FAM117B: variants seen among roughly 807,000 people sequenced by gnomAD.
FAM117B encodes family with sequence similarity 117 member B.
FAM117B carries 22 observed loss-of-function variants against 52.8 expected under a neutral mutation model. The ratio of observed to expected loss-of-function variants is 0.42; its 90% CI spans 0.30 to 0.59. The LOEUF is 0.59. Among genes scored for constraint, FAM117B ranks in the 20% least tolerant of loss-of-function variants. FAM117B has a pLI of 0.22. For synonymous variants in FAM117B, 309 were observed against 324.1 expected (o/e 0.95, Z 0.50); for missense variants, 678 against 802.6 (o/e 0.84, Z 1.88).
At chr2:202,723,447 A>G (rs924574738) in intron 2 of FAM117B, among the ~76,000 whole-genome samples, 9 of 152,058 alleles carry the variant, frequency 5.9e-5, no homozygotes, top group Admixed American at 2.6e-4. Context: ...GTTACCATCT[A>G]TTTTCTTCCA....
intron 2 of FAM117B, among the ~76,000 whole-genome samples, chr2:202,710,154 A>G (rs540904921): frequency 6.6e-6 from 1 of 152,318 alleles, no homozygotes; most frequent in East Asian, 1.9e-4. Context: ...ACCTATTTCC[A>G]TAAAAATGCC....
At chr2:202,727,541 A>G (rs987474003) in intron 4 of FAM117B, among the ~76,000 whole-genome samples, 21 of 152,090 alleles carry the variant, frequency 1.4e-4, no homozygotes, top group Admixed American at 1.4e-3. Flanking sequence ...AATTAAAAGT[A>G]CAAATAAAAA....
chr2:202,639,703 G>C (rs1325360041), intron 1 of FAM117B, among the ~76,000 whole-genome samples: 1 of 152,162 alleles, frequency 6.6e-6, no homozygotes, highest in Non-Finnish European at 1.5e-5. Context: ...GAAATGGGTG[G>C]TGAAATCTAC....
chr2:202,765,055 A>G lies in FAM117B; in HGVS notation c.1452-391A>G, dbSNP rs1164582392. On this transcript the variant is annotated intron_variant, in intron 7 of 7. Coordinates refer to ENST00000392238, the MANE Select transcript of FAM117B (RefSeq NM_173511.4). The stretch of plus-strand genomic sequence containing the variant: ...AAAAATCATGGCAGTGGAATATACC[A>G]TACATAAAGGCATACATGTCTTTAA... Among the ~76,000 whole-genome samples the G allele has an allele frequency of 3.9e-5, 6 of 152,194 alleles. No homozygotes were observed. In the East Asian group the frequency reaches 1.2e-3, roughly 29 times the overall value.
intron 1 of FAM117B, 111 bp downstream of exon 1, chr2:202,635,899 G>A: frequency 8.4e-7 from 1 of 1,194,636 alleles, no homozygotes; most frequent in Non-Finnish European, 1.0e-6. Flanking sequence ...CGGGTGGCTG[G>A]GGGCGGGGCT....
intron 7 of FAM117B, 67 bp from the exon 8 acceptor site, chr2:202,765,379 C>CTTTTTTTTTTTTTTTTTTTTTTTTTTTT: frequency 8.8e-7 from 1 of 1,130,566 alleles, no homozygotes; most frequent in Non-Finnish European, 1.2e-6. Context: ...TGTTTCCAAG[C>CTTTTTTTTTTTTTTTTTTTTTTTTTTTT]TTTTTTTTTT....
intron 1 of FAM117B, among the ~76,000 whole-genome samples, chr2:202,657,322 A>G (rs1690069268): frequency 6.6e-6 from 1 of 152,164 alleles, no homozygotes; most frequent in Non-Finnish European, 1.5e-5. Context: ...TCCTGACCTC[A>G]GGTGATCTGC....
chr2:202,677,031 C>T (rs1690387840), intron 1 of FAM117B, among the ~76,000 whole-genome samples: 1 of 151,372 alleles, frequency 6.6e-6, no homozygotes, highest in Non-Finnish European at 1.5e-5. Context: ...GGCTGATGAA[C>T]TGAGTGTTAC....
At position 202,767,595 on chromosome 2, in the gene FAM117B, T is replaced by C. The variant is rs191099547; in HGVS notation, c.*1831T>C. The stretch of plus-strand genomic sequence containing the variant: ...CATATTATAAGGTAGAAAAAAGTTT[T>C]TAAATCCTTATAAAGAGGATGCAGT... On this transcript the variant is annotated 3_prime_UTR_variant, in exon 8 of 8. Coordinates refer to ENST00000392238, the MANE Select transcript of FAM117B (RefSeq NM_173511.4). The C allele has an allele frequency of 6.6e-6, 1 of 152,334 alleles. No individual in the cohort carries two copies. Among genetic ancestry groups the C allele is most frequent in the African/African-American group, 2.4e-5 (1 of 41,572 alleles). 9.4% of individuals were successfully genotyped at this position (152,334 alleles called of 1,614,324 possible).
intron 7 of FAM117B, 138 bp from the exon 8 acceptor site, chr2:202,765,308 C>A: frequency 1.2e-6 from 1 of 823,448 alleles, no homozygotes; most frequent in Non-Finnish European, 1.9e-6. Flanking sequence ...GGGGACAGAG[C>A]TTGAGTTTTA....
At chr2:202,696,655 A>C (rs1690716658) in intron 2 of FAM117B, among the ~76,000 whole-genome samples, 1 of 152,178 alleles carries the variant, frequency 6.6e-6, no homozygotes, top group Admixed American at 6.5e-5. Flanking sequence ...GTTTCGGGAG[A>C]TGGGGACTGT....
At chr2:202,711,398 A>G (rs75462345) in intron 2 of FAM117B, among the ~76,000 whole-genome samples, 1 of 152,062 alleles carries the variant, frequency 6.6e-6, no homozygotes, top group Non-Finnish European at 1.5e-5. Context: ...TTTAAATTGG[A>G]TTATTAGAGT....
At chr2:202,675,806 G>A (rs532428836) in intron 1 of FAM117B, among the ~76,000 whole-genome samples, 2 of 152,034 alleles carry the variant, frequency 1.3e-5, no homozygotes, top group East Asian at 1.9e-4. Flanking sequence ...CCCACATGGT[G>A]AAATCCTGTC....
intron 4 of FAM117B, among the ~76,000 whole-genome samples, chr2:202,751,241 G>A (rs961145565): frequency 6.6e-6 from 1 of 152,144 alleles, no homozygotes; most frequent in Non-Finnish European, 1.5e-5. Context: ...GACTACTGCA[G>A]GTTACATCAG....
intron 2 of FAM117B, among the ~76,000 whole-genome samples, chr2:202,705,859 T>C (rs1331142857): frequency 6.6e-6 from 1 of 152,228 alleles, no homozygotes. Flanking sequence ...TGTGTATGTG[T>C]GCTTGCATTA....
chr2:202,635,913 G>C, intron 1 of FAM117B, 125 bp downstream of exon 1: 4 of 992,706 alleles, frequency 4.0e-6, no homozygotes, highest in Non-Finnish European at 4.8e-6. Flanking sequence ...CGGGGCTGGG[G>C]GCGGTGCCGG....
At position 202,740,083 on chromosome 2, in the gene FAM117B, G is replaced by T. The variant is rs1426888802; in HGVS notation, c.960+13720G>T. 2.7e-5 allele frequency among the ~76,000 whole-genome samples: 4 copies of T among 146,944 alleles called. No individual in the cohort carries two copies. The East Asian group carries it at 8.3e-4, about 30-fold the overall frequency. ...AGCTACTTCGGAGGCTGAGGCAGGA[G>T]AATGGCGTGCACCCAGGAGGTGGAG... On this transcript the variant is annotated intron_variant, in intron 4 of 7. Coordinates refer to ENST00000392238, the MANE Select transcript of FAM117B (RefSeq NM_173511.4).
chr2:202,708,451 C>G (rs1007931409), intron 2 of FAM117B, among the ~76,000 whole-genome samples: 1 of 151,634 alleles, frequency 6.6e-6, no homozygotes, highest in African/African-American at 2.4e-5. Context: ...ATGTATATAC[C>G]ATAGTTTCTT....
intron 4 of FAM117B, among the ~76,000 whole-genome samples, chr2:202,749,637 A>G (rs1325100660): frequency 6.6e-6 from 1 of 152,122 alleles, no homozygotes; most frequent in Non-Finnish European, 1.5e-5. Flanking sequence ...AATAAAGAAA[A>G]CAATGGCAGT....
Sources: gnomAD v4.1 joint callset for allele counts (sites outside exome capture counted in the v4.1 genomes callset) on GRCh38, gnomAD v4.1.1 for gene constraint, MANE v1.5 for transcripts, NCBI Gene and HGNC (gene_info 2026-07-23, HGNC 2026-07-21) for gene names.